NRXN3: variants seen among roughly 807,000 people sequenced by gnomAD.
The protein encoded by NRXN3 is neurexin 3.
In NRXN3, 32 loss-of-function variants were observed where a neutral mutation model predicts 137.6. The ratio of observed to expected loss-of-function variants is 0.23; its 90% CI spans 0.18 to 0.31. NRXN3 has a LOEUF of 0.31. Among genes scored for constraint, NRXN3 ranks in the 10% least tolerant of loss-of-function variants. The pLI is 1.00. For synonymous variants in NRXN3, 798 were observed against 784.5 expected, an observed-to-expected ratio of 1.02 and a Z score of -0.29; for missense variants, 1,574 against 2,062.5, an observed-to-expected ratio of 0.76 and a Z score of 4.59.
chr14:78,830,429 C>A (rs12893889), intron 10 of NRXN3, among the ~76,000 whole-genome samples: 2 of 152,108 alleles, frequency 1.3e-5, no homozygotes, highest in Admixed American at 6.6e-5. Flanking sequence ...AATGCAGCAT[C>A]TCTGCTAACA....
intron 4 of NRXN3, among the ~76,000 whole-genome samples, chr14:78,430,941 T>C (rs1296107156): frequency 6.6e-6 from 1 of 152,232 alleles, no homozygotes; most frequent in Non-Finnish European, 1.5e-5. Flanking sequence ...TTCTGGGAAT[T>C]GCAGGTCCAA....
At chr14:78,474,368 C>CA (rs1318053378) in intron 4 of NRXN3, among the ~76,000 whole-genome samples, 1 of 152,124 alleles carries the variant, frequency 6.6e-6, no homozygotes, top group African/African-American at 2.4e-5. Context: ...ACTGGCTCCT[C>CA]ATTGTTGGTC....
intron 16 of NRXN3, among the ~76,000 whole-genome samples, chr14:79,548,265 AC>A (rs1303499600): frequency 6.6e-6 from 1 of 151,904 alleles, no homozygotes; most frequent in East Asian, 1.9e-4. Flanking sequence ...TTCAACTCCC[AC>A]TTATGAGTGA....
chr14:78,373,285 G>A (rs1291150026), intron 4 of NRXN3, among the ~76,000 whole-genome samples: 1 of 152,104 alleles, frequency 6.6e-6, no homozygotes, highest in Non-Finnish European at 1.5e-5. Context: ...GGAAGATGTC[G>A]TTTAGAGTGT....
intron 16 of NRXN3, among the ~76,000 whole-genome samples, chr14:79,637,737 T>TTTTTTTTTTTTTTTC (rs2098412488): frequency 7.3e-6 from 1 of 137,744 alleles, no homozygotes. Flanking sequence ...TTCTTTTTTT[T>TTTTTTTTTTTTTTTC]TTTTTTTTTT....
intron 15 of NRXN3, among the ~76,000 whole-genome samples, chr14:78,993,332 G>A (rs758373031): frequency 6.6e-6 from 1 of 152,136 alleles, no homozygotes; most frequent in African/African-American, 2.4e-5. Flanking sequence ...ACAGATATGT[G>A]TATACTGATT....
At chr14:78,405,495 T>G (rs1394359451) in intron 4 of NRXN3, among the ~76,000 whole-genome samples, 3 of 152,068 alleles carry the variant, frequency 2.0e-5, no homozygotes, top group Admixed American at 1.3e-4. Context: ...AAGTACACTA[T>G]TATCACTGAT....
intron 17 of NRXN3, among the ~76,000 whole-genome samples, chr14:79,667,548 C>T (rs1166529156): frequency 6.6e-6 from 1 of 151,844 alleles, no homozygotes; most frequent in African/African-American, 2.4e-5. Context: ...AGCACTGGCT[C>T]TTTCTTTGTG....
chr14:79,358,847 T>C (rs2093582595), intron 15 of NRXN3, among the ~76,000 whole-genome samples: 1 of 152,148 alleles, frequency 6.6e-6, no homozygotes, highest in African/African-American at 2.4e-5. Context: ...CTCTGCCTTA[T>C]CCTCATACCC....
chr14:78,866,321 G>A (rs138312663), intron 10 of NRXN3, among the ~76,000 whole-genome samples: 7 of 152,270 alleles, frequency 4.6e-5, no homozygotes, highest in African/African-American at 1.7e-4. Flanking sequence ...AATTAGAATA[G>A]TGATGGCTAT....
At chr14:79,837,234 T>C (rs1321948025) in intron 20 of NRXN3, among the ~76,000 whole-genome samples, 4 of 152,144 alleles carry the variant, frequency 2.6e-5, no homozygotes, top group Non-Finnish European at 1.5e-5. Flanking sequence ...CTGAAAATTA[T>C]AGTATTGATT....
chr14:78,830,240 C>T (rs182394113), intron 10 of NRXN3, among the ~76,000 whole-genome samples: 11 of 152,118 alleles, frequency 7.2e-5, no homozygotes, highest in East Asian at 1.9e-4. Context: ...CTAAGTTACT[C>T]GTAGCATGCT....
At position 78,709,241 on chromosome 14, in the gene NRXN3, C is replaced by T. The variant is rs779580377; in HGVS notation, c.1246C>T (p.Arg416Cys). 1.1e-5 allele frequency: 17 copies of T among 1,612,402 alleles called. No individual in the cohort carries two copies. The Admixed American group carries it at 2.0e-4, about 19-fold the overall frequency. Residue 416 changes from arginine to cysteine, a missense_variant, in exon 7 of 21, where the codon CGT becomes TGT. Physicochemically the swap from Arg to Cys is radical, Grantham distance 180 (BLOSUM62 -3). Coordinates refer to ENST00000335750, the MANE Select transcript of NRXN3 (RefSeq NM_001330195.2). ...KEVVYKNNDI[R>C]LELSRLARIA... ...GGTTGTTTATAAGAATAATGACATC[C>T]GTCTGGAGCTGTCTCGCCTGGCCCG...
rs2099416164 is a variant in NRXN3 at position 79,863,438 on chromosome 14, A to C, written c.*1474A>C. ...ATGTTGTTTTAAAAGAAAATAGCAA[A>C]ACAACAAAAAAGCAAACCTTAAAAT... is the stretch of plus-strand genomic sequence containing the variant. On this transcript the variant is annotated 3_prime_UTR_variant, in exon 21 of 21. Coordinates refer to ENST00000335750, the MANE Select transcript of NRXN3 (RefSeq NM_001330195.2). The C allele has an allele frequency of 6.6e-6, 1 of 152,282 alleles. No homozygotes were observed. Among genetic ancestry groups the C allele is most frequent in the African/African-American group, 2.4e-5 (1 of 41,408 alleles). 9.4% of individuals were successfully genotyped at this position (152,282 alleles called of 1,614,324 possible). A position where few individuals can be genotyped will look rare whatever the true frequency, so the allele number is the denominator to read the frequency against.
At chr14:78,914,114 A>G (rs188674717) in intron 10 of NRXN3, among the ~76,000 whole-genome samples, 19 of 152,234 alleles carry the variant, frequency 1.2e-4, no homozygotes, top group African/African-American at 4.3e-4. Context: ...CCCACCCATG[A>G]TTACAGTTCA....
At chr14:79,081,878 T>A (rs2152760398) in intron 15 of NRXN3, among the ~76,000 whole-genome samples, 1 of 152,156 alleles carries the variant, frequency 6.6e-6, no homozygotes, top group Middle Eastern at 3.4e-3. Context: ...CCCTGGATTG[T>A]CAATACCAAT....
intron 15 of NRXN3, among the ~76,000 whole-genome samples, chr14:79,228,256 C>T (rs1380909780): frequency 6.6e-6 from 1 of 151,956 alleles, no homozygotes; most frequent in Non-Finnish European, 1.5e-5. Flanking sequence ...TAGAAGTCTC[C>T]CTGATAAAGC....
chr14:79,599,763 G>A (rs1311379747), intron 16 of NRXN3, among the ~76,000 whole-genome samples: 4 of 152,218 alleles, frequency 2.6e-5, no homozygotes, highest in Non-Finnish European at 4.4e-5. Context: ...GGGAGGCTGA[G>A]GCGGGCAGAT....
intron 15 of NRXN3, among the ~76,000 whole-genome samples, chr14:79,118,699 C>A (rs73324748): frequency 1.3e-5 from 2 of 152,132 alleles, no homozygotes; most frequent in Admixed American, 1.3e-4. Flanking sequence ...TGGTTAGATA[C>A]AAGTGTAAGA....
Sources: allele counts gnomAD v4.1 joint callset (sites outside exome capture counted in the v4.1 genomes callset), GRCh38; gene constraint gnomAD v4.1.1; transcripts MANE v1.5; gene names NCBI Gene and HGNC (gene_info 2026-07-23, HGNC 2026-07-21).